The following CNBD1 variants were observed in gnomAD, a reference collection of about 807,000 sequenced individuals.
The protein encoded by CNBD1 is cyclic nucleotide-binding domain-containing protein 1.
A neutral mutation model predicts 54.4 loss-of-function variants in CNBD1; 71 were observed. The observed-to-expected ratio is 1.30, with a 90% CI of 1.08 to 1.59. CNBD1 has a LOEUF of 1.59. CNBD1 is among the 40% of genes most tolerant of loss of function. CNBD1 has a pLI of 0.00. For missense variants in CNBD1, 659 were observed against 518.0 expected (o/e 1.27, Z -2.64); for synonymous variants, 182 against 170.7 (o/e 1.07, Z -0.51).
intron 2 of CNBD1, among the ~76,000 whole-genome samples, chr8:86,901,615 G>A (rs1182770888): frequency 1.3e-5 from 2 of 152,104 alleles, no homozygotes; most frequent in East Asian, 3.9e-4. Flanking sequence ...ATGCTATAAA[G>A]GGGTGCTTTT....
intron 6 of CNBD1, among the ~76,000 whole-genome samples, chr8:87,280,241 T>C (rs977833134): frequency 6.6e-6 from 1 of 151,668 alleles, no homozygotes; most frequent in African/African-American, 2.4e-5. Context: ...GTTTTGAGAA[T>C]GCACTTTTTA....
chr8:87,356,903 G>A (rs1362886408), intron 10 of CNBD1, among the ~76,000 whole-genome samples: 1 of 152,082 alleles, frequency 6.6e-6, no homozygotes, highest in Admixed American at 6.6e-5. Context: ...GTTTTGGGGA[G>A]CCAGGCTGAG....
At chr8:87,137,896 A>G (rs1812290893) in intron 4 of CNBD1, among the ~76,000 whole-genome samples, 1 of 152,152 alleles carries the variant, frequency 6.6e-6, no homozygotes, top group Non-Finnish European at 1.5e-5. Context: ...TGGAATGAAG[A>G]ACTTTTCAGA....
chr8:87,153,635 G>A (rs935953259), intron 4 of CNBD1, among the ~76,000 whole-genome samples: 1 of 152,166 alleles, frequency 6.6e-6, no homozygotes, highest in African/African-American at 2.4e-5. Flanking sequence ...AAGCCTGTAT[G>A]AGAAATATAA....
At chr8:86,992,778 T>C (rs1808782444) in intron 4 of CNBD1, among the ~76,000 whole-genome samples, 1 of 152,188 alleles carries the variant, frequency 6.6e-6, no homozygotes, top group African/African-American at 2.4e-5. Flanking sequence ...TCTTTAAGGA[T>C]GCTGAAAATA....
chr8:87,313,612 A>G (rs1563548112), intron 8 of CNBD1, among the ~76,000 whole-genome samples: 1 of 151,944 alleles, frequency 6.6e-6, no homozygotes, highest in Non-Finnish European at 1.5e-5. Flanking sequence ...CTGCATAACA[A>G]GGGAAGTCTT....
intron 8 of CNBD1, among the ~76,000 whole-genome samples, chr8:87,297,727 C>T (rs957442117): frequency 1.3e-5 from 2 of 151,568 alleles, no homozygotes; most frequent in Non-Finnish European, 2.9e-5. Flanking sequence ...GTGTGATTAT[C>T]TCAAGAAAAT....
chr8:86,931,890 G>A (rs1809463955), intron 3 of CNBD1, among the ~76,000 whole-genome samples: 1 of 152,120 alleles, frequency 6.6e-6, no homozygotes, highest in Non-Finnish European at 1.5e-5. Flanking sequence ...CCTGAGTTAT[G>A]GTGGACATCA....
At chr8:87,147,285 A>G (rs1245656877) in intron 4 of CNBD1, among the ~76,000 whole-genome samples, 1 of 152,116 alleles carries the variant, frequency 6.6e-6, no homozygotes, top group Non-Finnish European at 1.5e-5. Flanking sequence ...TTTCCAGAAT[A>G]TAACATCCAT....
chr8:86,966,635 GGTGA>G (rs1489641163), intron 4 of CNBD1, among the ~76,000 whole-genome samples: 3 of 152,044 alleles, frequency 2.0e-5, no homozygotes, highest in Non-Finnish European at 4.4e-5. Context: ...AGACCTTTGC[GGTGA>G]GTGTTACAGC....
chr8:87,303,969 T>C (rs930870976), intron 8 of CNBD1, among the ~76,000 whole-genome samples: 2 of 152,178 alleles, frequency 1.3e-5, no homozygotes, highest in East Asian at 1.9e-4. Flanking sequence ...ATGTCGATCA[T>C]TAAAAAGTCA....
At chr8:87,335,136 T>G (rs1809917204) in intron 8 of CNBD1, among the ~76,000 whole-genome samples, 1 of 152,200 alleles carries the variant, frequency 6.6e-6, no homozygotes, top group Admixed American at 6.5e-5. Flanking sequence ...ATGTGGTCGA[T>G]TTTAGAGTAA....
At chr8:87,030,477 C>T (rs1809756317) in intron 4 of CNBD1, among the ~76,000 whole-genome samples, 1 of 152,098 alleles carries the variant, frequency 6.6e-6, no homozygotes, top group Admixed American at 6.5e-5. Context: ...GACATTCTGT[C>T]CAAGTATTTA....
At chr8:87,168,256 T>A (rs895258169) in intron 4 of CNBD1, among the ~76,000 whole-genome samples, 2 of 152,040 alleles carry the variant, frequency 1.3e-5, no homozygotes, top group African/African-American at 4.8e-5. Context: ...CCATAAAGTA[T>A]GATTGCGTAT....
At chr8:87,129,780 T>C (rs1189308775) in intron 4 of CNBD1, among the ~76,000 whole-genome samples, 1 of 152,182 alleles carries the variant, frequency 6.6e-6, no homozygotes, top group East Asian at 1.9e-4. Context: ...CTCTCTCTCT[T>C]TTTTGTTTTT....
chr8:87,055,438 C>G (rs1472499840), intron 4 of CNBD1, among the ~76,000 whole-genome samples: 1 of 152,090 alleles, frequency 6.6e-6, no homozygotes, highest in Non-Finnish European at 1.5e-5. Context: ...GTAAGTCCCC[C>G]CCTTCCCTCC....
chr8:87,031,892 C>A (rs1160483917), intron 4 of CNBD1, among the ~76,000 whole-genome samples: 1 of 152,074 alleles, frequency 6.6e-6, no homozygotes, highest in African/African-American at 2.4e-5. Flanking sequence ...AGGCATGCAC[C>A]ACCACACCCA....
rs142075935 is a variant in CNBD1, at chr8:86,886,115, C to A, written c.89-1427C>A. ...GTGGCACCATCTCCCTTTCCTGTCC[C>A]TATCATTCATCAGAGCTATTACTGA... On this transcript the variant is annotated intron_variant, in intron 1 of 10. Coordinates refer to ENST00000518476, the MANE Select transcript of CNBD1 (RefSeq NM_173538.3). Among the ~76,000 whole-genome samples the A allele has an allele frequency of 7.8e-3, 1,190 of 152,150 alleles. 14 individuals are homozygous for A. The highest frequency in any genetic ancestry group is 0.027 in the African/African-American group (1,104 of 41,516).
chr8:87,379,078 T>C (rs1031655574), intron 10 of CNBD1, among the ~76,000 whole-genome samples: 138 of 151,274 alleles, frequency 9.1e-4, no homozygotes, highest in Non-Finnish European at 1.6e-3. Flanking sequence ...GTTTTCTAGA[T>C]ATACAATCAT....
Sources: gnomAD v4.1 joint callset for allele counts (sites outside exome capture counted in the v4.1 genomes callset) on GRCh38, gnomAD v4.1.1 for gene constraint, MANE v1.5 for transcripts, NCBI Gene and HGNC (gene_info 2026-07-23, HGNC 2026-07-21) for gene names.